The following UVSSA variants were observed in gnomAD, a reference collection of about 807,000 sequenced individuals.
UVSSA encodes the protein UV stimulated scaffold protein A.
In UVSSA, 72 loss-of-function variants were observed where a neutral mutation model predicts 73.9. That is an observed-to-expected ratio of 0.97 (90% CI 0.81 to 1.19). The LOEUF (loss-of-function observed/expected upper bound fraction) is 1.19, where lower values mean the gene tolerates loss of function less well. UVSSA is among the 50% of genes most tolerant of loss of function. UVSSA has a pLI of 0.00. For missense variants in UVSSA, 1,150 were observed against 965.0 expected, an observed-to-expected ratio of 1.19 and a Z score of -2.54; for synonymous variants, 454 against 391.3, an observed-to-expected ratio of 1.16 and a Z score of -1.89.
upstream of UVSSA, among the ~76,000 whole-genome samples, chr4:1,347,086 A>T (rs931203851): frequency 6.6e-6 from 1 of 151,978 alleles, no homozygotes. Flanking sequence ...GTCGAGCGGT[A>T]GGTGCAGTCG....
intron 8 of UVSSA, among the ~76,000 whole-genome samples, chr4:1,370,542 C>T (rs1307165721): frequency 6.6e-6 from 1 of 152,240 alleles, no homozygotes; most frequent in Admixed American, 6.5e-5. Flanking sequence ...CCGTGCACGG[C>T]TTAGAGGAGC....
intron 12 of UVSSA, 50 bp from the exon 13 acceptor site, chr4:1,383,716 G>C (rs767270851): frequency 1.7e-5 from 28 of 1,607,886 alleles, no homozygotes; most frequent in Middle Eastern, 1.6e-4. Context: ...CGGGTAAGAG[G>C]CTCTGGTCAG....
downstream of UVSSA, chr4:1,390,725 TTGTTGGGTGGAGTGTTGTATAGATGCC>T (rs1314305109): frequency 1.3e-5 from 2 of 152,364 alleles, no homozygotes; most frequent in Non-Finnish European, 2.9e-5. Context: ...TATCCTGCTC[TTGTTGGGTGGAGTGTTGTATAGATGCC>T]TGTTGGGTCT....
At chr4:1,354,920 T>G in intron 6 of UVSSA, 73 bp downstream of exon 6, 1 of 1,461,382 alleles carries the variant, frequency 6.8e-7, no homozygotes, top group Non-Finnish European at 9.4e-7. Context: ...GGTCCCTTTC[T>G]TGGGGGGACT....
At chr4:1,342,825 T>C, upstream of UVSSA, among the ~76,000 whole-genome samples, 1 of 152,256 alleles carries the variant, frequency 6.6e-6, no homozygotes, top group East Asian at 1.9e-4. Flanking sequence ...GGACACTACC[T>C]TCTGTTAGAC....
chr4:1,368,609 T>C (rs1577341576), intron 8 of UVSSA, among the ~76,000 whole-genome samples: 2 of 152,286 alleles, frequency 1.3e-5, no homozygotes, highest in Admixed American at 1.3e-4. Flanking sequence ...CCCTGCCGGG[T>C]GTGCTGGGAC....
At chr4:1,366,088 A>G (rs1717284048) in intron 7 of UVSSA, 1 of 370,286 alleles carries the variant, frequency 2.7e-6, no homozygotes, top group Non-Finnish European at 4.9e-6. Flanking sequence ...TGGTTTTAAC[A>G]TAGACTCTAA....
chr4:1,395,800 G>T (rs115679864), exon 14 of UVSSA: 5 of 1,614,148 alleles, frequency 3.1e-6, no homozygotes, highest in Non-Finnish European at 4.2e-6. Context: ...TTTTTAATAC[G>T]TTTTTATGTC....
At chr4:1,378,402 A>G (rs1719031343) in intron 10 of UVSSA, among the ~76,000 whole-genome samples, 1 of 152,122 alleles carries the variant, frequency 6.6e-6, no homozygotes. Flanking sequence ...AAAATATAAA[A>G]ATTAGCCGGG....
At chr4:1,380,666 C>T in intron 11 of UVSSA, 1 of 1,534,318 alleles carries the variant, frequency 6.5e-7, no homozygotes. Context: ...CCAAGACCTT[C>T]CGGCTCCAGA....
At chr4:1,351,673 G>A (rs778835895) in intron 3 of UVSSA, 42 bp from the exon 4 acceptor site, 86 of 1,602,548 alleles carry the variant, frequency 5.4e-5, no homozygotes, top group Non-Finnish European at 6.8e-5. Context: ...ACAGGCGTGA[G>A]CCACCGCGCC....
At chr4:1,372,225 A>G (rs1004293133) in intron 8 of UVSSA, among the ~76,000 whole-genome samples, 1 of 152,116 alleles carries the variant, frequency 6.6e-6, no homozygotes, top group African/African-American at 2.4e-5. Flanking sequence ...TTTAGACAGC[A>G]TGTTGCTAAA....
In UVSSA at chr4:1,349,788, T is replaced by C. The variant is rs759272116; in HGVS notation, c.363T>C (p.Asn121=). The change falls in exon 3 of 14, where the codon AAT becomes AAC. Residue 121 remains asparagine, a synonymous_variant. Transcript: ENST00000389851. The part of the protein sequence containing the change: ...QATTRAVEGW[N]EKFGEAYKKL... ...CCACCCGGGCCGTGGAAGGGTGGAATGAGAAGTTTGGGGAGGCCTACAAGA... is the reference window on the plus strand; with the variant it reads ...CCACCCGGGCCGTGGAAGGGTGGAACGAGAAGTTTGGGGAGGCCTACAAGA... 4.4e-6 allele frequency: 7 copies of C among 1,601,118 alleles called. No individual in the cohort carries two copies. Among genetic ancestry groups the C allele is most frequent in the Non-Finnish European group, 5.1e-6 (6 of 1,172,300 alleles).
chr4:1,394,428 A>G (rs1296591515), exon 14 of UVSSA: 4 of 1,592,840 alleles, frequency 2.5e-6, no homozygotes, highest in East Asian at 2.2e-5. Context: ...TCATTGATCT[A>G]CTTCTAGTTT....
rs756689881 is a variant in UVSSA, at chr4:1,383,898, C to G, written c.1994C>G (p.Ala665Gly). The change falls in exon 13 of 14, where the codon GCT (alanine) becomes GGT (glycine). Residue 665 changes from alanine to glycine, a missense_variant. By Grantham distance (60) the Ala-to-Gly change is moderately conservative. Transcript: ENST00000389851. ...AGCCTCACCAACCTGAAGGCTCAGG[C>G]TGATACCGCCCGCGCTCGCATTGGG... is the stretch of plus-strand genomic sequence containing the variant. ...YPSLTNLKAQADTARARIGRK... is the reference protein window; with the variant it reads ...YPSLTNLKAQGDTARARIGRK... The G allele has an allele frequency of 6.2e-7, 1 of 1,613,404 alleles. No individual in the cohort carries two copies. Among genetic ancestry groups the G allele is most frequent in the Admixed American group, 1.7e-5 (1 of 60,012 alleles).
chr4:1,357,760 C>A (rs972276177), intron 7 of UVSSA, among the ~76,000 whole-genome samples: 1 of 152,360 alleles, frequency 6.6e-6, no homozygotes, highest in African/African-American at 2.4e-5. Context: ...GCCTCCCAGA[C>A]CTCTGCAGGC....
chr4:1,353,569 G>A (rs1198177719), intron 5 of UVSSA, among the ~76,000 whole-genome samples, 156 bp downstream of exon 5: 1 of 152,198 alleles, frequency 6.6e-6, no homozygotes, highest in Non-Finnish European at 1.5e-5. Flanking sequence ...TTTCTGTGTG[G>A]CCTCTGCACT....
rs3041593 is a variant in UVSSA at position 1,354,966 on chromosome 4, GGC to G, written c.1047+120_1047+121del. ...GACTGAATGGCCCTTAACCCGCGAGGGCTCTGTCCCTCACCCGCAGCTTTGTC... is the reference window on the plus strand; with the variant it reads ...GACTGAATGGCCCTTAACCCGCGAGGTCTGTCCCTCACCCGCAGCTTTGTC... On this transcript the variant is annotated intron_variant, in intron 6 of 13. Coordinates refer to ENST00000389851, the MANE Select transcript of UVSSA (RefSeq NM_020894.4). The G allele has an allele frequency of 3.9e-6, 6 of 1,531,142 alleles. No individual in the cohort carries two copies. The South Asian group carries it at 7.4e-5, about 19-fold the overall frequency. 94.8% of individuals were successfully genotyped at this position (1,531,142 alleles called of 1,614,324 possible).
rs1243470372 is a variant in UVSSA, at chr4:1,386,903, G to C, written c.*942G>C. 3 of 151,448 alleles carry C rather than the reference G, an allele frequency of 2.0e-5. No individual in the cohort carries two copies. The highest frequency in any genetic ancestry group is 6.6e-5 in the Admixed American group (1 of 15,184). 9.4% of individuals were successfully genotyped at this position (151,448 alleles called of 1,614,324 possible). The stretch of plus-strand genomic sequence containing the variant: ...TGGCTAATTTTTTAAATTTTTTGTA[G>C]AGATGAGGTCTCACTGTGTTGCCCA... On this transcript the variant is annotated 3_prime_UTR_variant, in exon 14 of 14. Coordinates refer to ENST00000389851, the MANE Select transcript of UVSSA (RefSeq NM_020894.4).
Sources: allele counts gnomAD v4.1 joint callset (sites outside exome capture counted in the v4.1 genomes callset), GRCh38; gene constraint gnomAD v4.1.1; transcripts MANE v1.5; gene names NCBI Gene and HGNC (gene_info 2026-07-23, HGNC 2026-07-21).